The following DYNC2LI1 variants were observed in gnomAD, a reference collection of about 807,000 sequenced individuals.
DYNC2LI1 encodes the protein dynein cytoplasmic 2 light intermediate chain 1, also known as cytoplasmic dynein 2 light intermediate chain 1.
DYNC2LI1 carries 45 observed loss-of-function variants against 51.9 expected under a neutral mutation model. That is an observed-to-expected ratio of 0.87 (90% confidence interval 0.68 to 1.11). The LOEUF is 1.11. DYNC2LI1 is among the 50% of genes most tolerant of loss of function. The pLI, the probability that DYNC2LI1 is intolerant of heterozygous loss-of-function variation, is 0.00. For synonymous variants in DYNC2LI1, 130 were observed against 137.8 expected, an observed-to-expected ratio of 0.94 and a Z score of 0.40; for missense variants, 490 against 417.4, an observed-to-expected ratio of 1.17 and a Z score of -1.51.
chr2:43,794,458 A>G lies in DYNC2LI1; in HGVS notation c.322A>G (p.Thr108Ala). The change falls in exon 6 of 13, where the codon ACG becomes GCG. Residue 108 changes from threonine to alanine, a missense_variant and splice_region_variant. By Grantham distance (58) the Thr-to-Ala change is moderately conservative. Coordinates refer to ENST00000260605, the MANE Select transcript of DYNC2LI1 (RefSeq NM_016008.4). The part of the protein sequence containing the change: ...SIPITGDTLR[T>A]FSLVLVLDLS... The stretch of plus-strand genomic sequence containing the variant: ...TGAAAAGTGTTTTTATTTCTTTAGG[A>G]CGTTTTCTCTTGTTCTCGTTCTGGA... 6.2e-7 allele frequency: 1 copy of G among 1,603,138 alleles called. No homozygotes were observed. The highest frequency in any genetic ancestry group is 8.5e-7 in the Non-Finnish European group (1 of 1,174,916).
chr2:43,789,104 C>T (rs951001900), intron 4 of DYNC2LI1, among the ~76,000 whole-genome samples: 1 of 152,178 alleles, frequency 6.6e-6, no homozygotes, highest in Admixed American at 6.5e-5. Flanking sequence ...AGGAACAAAT[C>T]GTCTGCTTAT....
the DYNC2LI1 span, chr2:43,824,559 G>A: frequency 6.3e-7 from 1 of 1,576,540 alleles, no homozygotes; most frequent in Non-Finnish European, 8.6e-7. Flanking sequence ...TGTGGTTAAT[G>A]CCCACCTATA....
At chr2:43,789,541 C>T in intron 4 of DYNC2LI1, 92 bp from the exon 5 acceptor site, 1 of 1,071,716 alleles carries the variant, frequency 9.3e-7, no homozygotes. Context: ...TTAAGGACTG[C>T]AATATTTTGT....
the DYNC2LI1 span, chr2:43,824,771 T>C: frequency 5.3e-6 from 8 of 1,518,656 alleles, no homozygotes; most frequent in Admixed American, 9.3e-5. Flanking sequence ...TTGAAGAGTA[T>C]AAAACACAAA....
chr2:43,827,944 C>T, the DYNC2LI1 span: 2 of 1,611,900 alleles, frequency 1.2e-6, no homozygotes, highest in Non-Finnish European at 1.7e-6. Flanking sequence ...ACAGAAGATG[C>T]CCAGACAGCA....
At chr2:43,782,003 TTCTG>T (rs1402151874) in intron 2 of DYNC2LI1, among the ~76,000 whole-genome samples, 1 of 132,668 alleles carries the variant, frequency 7.5e-6, no homozygotes, top group Non-Finnish European at 1.6e-5. Context: ...GTGTGTTTGT[TTCTG>T]TCTATGTGTG....
intron 3 of DYNC2LI1, among the ~76,000 whole-genome samples, chr2:43,786,203 T>C (rs939615117): frequency 6.6e-6 from 1 of 152,152 alleles, no homozygotes; most frequent in African/African-American, 2.4e-5. Flanking sequence ...CTTGCATTGT[T>C]TTTGTTTTTT....
chr2:43,812,424 A>C (rs1666531515), downstream of DYNC2LI1: 1 of 151,850 alleles, frequency 6.6e-6, no homozygotes, highest in Admixed American at 6.6e-5. Context: ...GAAAAATAGC[A>C]AACGAATCTT....
At chr2:43,818,470 C>T in the DYNC2LI1 span, among the ~76,000 whole-genome samples, 5 of 152,066 alleles carry the variant, frequency 3.3e-5, no homozygotes, top group Non-Finnish European at 5.9e-5. Flanking sequence ...AAACAAAATA[C>T]GGTTTCTACA....
intron 3 of DYNC2LI1, among the ~76,000 whole-genome samples, chr2:43,783,826 TG>T (rs1220058759): frequency 6.6e-6 from 1 of 152,244 alleles, no homozygotes; most frequent in African/African-American, 2.4e-5. Context: ...ACCTTCTTTT[TG>T]GCTATGCTAC....
Position 43,789,675 on chromosome 2 carries a change from T to C in DYNC2LI1, c.274T>C (p.Ser92Pro). The part of the protein sequence containing the change: ...AHFWELGGGT[S>P]LLDLISIPIT... ...CTTTTGGGAACTCGGTGGAGGAACC[T>C]CTTTATTGGACTTAATCAGCATACC... The change falls in exon 5 of 13, where the codon TCT (serine) becomes CCT (proline). Residue 92 changes from serine to proline, a missense_variant. By Grantham distance (74) the Ser-to-Pro change is moderately conservative (BLOSUM62 -1). Transcript: ENST00000260605. 3 of 1,613,908 alleles carry C rather than the reference T, an allele frequency of 1.9e-6. No homozygotes were observed. Among genetic ancestry groups the C allele is most frequent in the Non-Finnish European group, 2.5e-6 (3 of 1,179,910 alleles).
rs377123737 is a variant in DYNC2LI1, at chr2:43,786,743, G to T, written c.162-438G>T. On this transcript the variant is annotated intron_variant, in intron 3 of 12. Transcript: ENST00000260605. ...CGGGAGGCTGAGGCAGGAGAATGGC[G>T]TGAACCCAGGAGGCGGAGCTTGCAG... Among the ~76,000 whole-genome samples the T allele has an allele frequency of 2.2e-4, 34 of 152,172 alleles. 1 individual carries two copies. The East Asian group carries it at 5.0e-3, about 23-fold the overall frequency.
chr2:43,786,639 G>A (rs1162676827), intron 3 of DYNC2LI1, among the ~76,000 whole-genome samples: 4 of 152,038 alleles, frequency 2.6e-5, no homozygotes, highest in African/African-American at 4.8e-5. Context: ...CCTGGCTAAC[G>A]TAGTGAAACC....
At chr2:43,780,958 A>G (rs1256337309) in intron 2 of DYNC2LI1, among the ~76,000 whole-genome samples, 1 of 152,214 alleles carries the variant, frequency 6.6e-6, no homozygotes, top group East Asian at 1.9e-4. Flanking sequence ...GAATTTTTAA[A>G]TTTTGGATTG....
intron 8 of DYNC2LI1, among the ~76,000 whole-genome samples, chr2:43,798,501 C>A (rs562214645): frequency 1.3e-5 from 2 of 152,278 alleles, no homozygotes; most frequent in African/African-American, 4.8e-5. Context: ...GAGAGGGTCA[C>A]ACATTTAATT....
the DYNC2LI1 span, chr2:43,819,935 A>T: frequency 1.2e-6 from 2 of 1,614,046 alleles, no homozygotes; most frequent in Admixed American, 1.7e-5. Context: ...CAGATCCAAC[A>T]AGCACCCCCG....
the DYNC2LI1 span, among the ~76,000 whole-genome samples, chr2:43,815,435 A>G: frequency 1.3e-5 from 2 of 152,226 alleles, no homozygotes; most frequent in African/African-American, 4.8e-5. Context: ...GTAGTGAACT[A>G]TTTGTGCCAA....
intron 4 of DYNC2LI1, among the ~76,000 whole-genome samples, chr2:43,788,867 C>T (rs1212362602): frequency 6.6e-6 from 1 of 152,204 alleles, no homozygotes; most frequent in East Asian, 1.9e-4. Context: ...CTCCTGGCTT[C>T]AAGTGATCCT....
At chr2:43,782,151 T>C (rs1673317078) in intron 2 of DYNC2LI1, among the ~76,000 whole-genome samples, 1 of 152,224 alleles carries the variant, frequency 6.6e-6, no homozygotes, top group African/African-American at 2.4e-5. Flanking sequence ...ATAATAGCTG[T>C]ATATTATTCT....
Sources: gnomAD v4.1 joint callset for allele counts (sites outside exome capture counted in the v4.1 genomes callset) on GRCh38, gnomAD v4.1.1 for gene constraint, MANE v1.5 for transcripts, NCBI Gene and HGNC (gene_info 2026-07-23, HGNC 2026-07-21) for gene names.